Variants in EPG5 observed in about 807,000 individuals in gnomAD.
EPG5 encodes ectopic P-granules 5 autophagy tethering factor.
A neutral mutation model predicts 302.7 loss-of-function variants in EPG5; 159 were observed. That is an observed-to-expected ratio of 0.53 (90% confidence interval 0.46 to 0.60). EPG5 has a LOEUF of 0.60. Among genes scored for constraint, EPG5 ranks in the 20% least tolerant of loss-of-function variants. EPG5 has a pLI of 0.00. For missense variants in EPG5, 2,896 were observed against 3,092.4 expected, an observed-to-expected ratio of 0.94 and a Z score of 1.51; for synonymous variants, 1,158 against 1,136.8, an observed-to-expected ratio of 1.02 and a Z score of -0.37.
At position 45,904,134 on chromosome 18, in the gene EPG5, G is replaced by C; in HGVS notation, c.4330-17C>G. The C allele has an allele frequency of 6.2e-7, 1 of 1,604,392 alleles. No homozygotes were observed. The highest frequency in any genetic ancestry group is 8.5e-7 in the Non-Finnish European group (1 of 1,177,482). ...CCACAGATCCTGAAACAGAACGACA[G>C]TACTTTAACTCTGACAGACAAGTCA... On this transcript the variant is annotated splice_polypyrimidine_tract_variant and intron_variant, in intron 24 of 43. Transcript: ENST00000282041.
Position 45,880,177 on chromosome 18 carries a change from CAGA to C in EPG5, c.5562_5564del (p.Leu1855del). 6.2e-7 allele frequency: 1 copy of C among 1,610,922 alleles called. No homozygotes were observed. The highest frequency in any genetic ancestry group is 8.5e-7 in the Non-Finnish European group (1 of 1,178,248). ...TGGGGGCGCAGCAGCCCAGGGCTCT[CAGA>C]GTGGCCTTCCAACACTCGGGGCTCA... On this transcript the variant is annotated inframe_deletion, in exon 32 of 44. Coordinates refer to ENST00000282041, the MANE Select transcript of EPG5 (RefSeq NM_020964.3).
downstream of EPG5, chr18:45,844,196 C>CA (rs1224465350): frequency 9.9e-5 from 15 of 152,080 alleles, no homozygotes; most frequent in Admixed American, 6.5e-4. Context: ...TTCGCACTCA[C>CA]ATGTGGAAGC....
In EPG5 at chr18:45,929,101, G is replaced by T. The variant is rs1184083274; in HGVS notation, c.2413-92C>A. On this transcript the variant is annotated intron_variant, in intron 12 of 43. Coordinates refer to ENST00000282041, the MANE Select transcript of EPG5 (RefSeq NM_020964.3). ...ATCATTTTTTCAAGCAAAGCAGAAA[G>T]AATCTTACATTGAGCCTTAATTGAC... is the stretch of plus-strand genomic sequence containing the variant. The T allele has an allele frequency of 6.1e-6, 8 of 1,304,914 alleles. No individual in the cohort carries two copies. The East Asian group carries it at 1.7e-4, about 28-fold the overall frequency. The allele number at this position is 1,304,914 out of a possible 1,614,324, so 80.8% of individuals were successfully genotyped here.
Position 45,870,707 on chromosome 18 carries a change from A to T in EPG5, c.6085T>A (p.Leu2029Met), listed in dbSNP as rs1469719757. The change falls in exon 36 of 44, where the codon TTG becomes ATG. Residue 2029 changes from leucine to methionine, a missense_variant. This residue lies in a region of EPG5 where 620 missense variants were observed against 704.2 expected (regional missense o/e 0.88). Transcript: ENST00000282041. ...LLPGDAGALW[L>M]HLMHYCEACT... ...GCTTCACAATAATGCATCAGGTGCA[A>T]CCAAAGGGCTCCTGCATCACCTGGC... 1 of 1,612,056 alleles carries T rather than the reference A, an allele frequency of 6.2e-7. No homozygotes were observed. The highest frequency in any genetic ancestry group is 1.7e-4 in the Middle Eastern group (1 of 6,056).
intron 27 of EPG5, 113 bp from the exon 28 acceptor site, chr18:45,890,053 C>A: frequency 1.3e-6 from 1 of 761,624 alleles, no homozygotes; most frequent in South Asian, 2.2e-5. Flanking sequence ...ATTTGTATCT[C>A]TTTATATGAC....
chr18:45,866,732 G>T, intron 38 of EPG5, 66 bp downstream of exon 38: 1 of 1,270,266 alleles, frequency 7.9e-7, no homozygotes, highest in Non-Finnish European at 1.1e-6. Context: ...ACTGTCCTTT[G>T]TAGCACTTAT....
intron 24 of EPG5, among the ~76,000 whole-genome samples, chr18:45,905,767 T>C (rs1186388089): frequency 6.6e-6 from 1 of 152,210 alleles, no homozygotes; most frequent in Non-Finnish European, 1.5e-5. Context: ...ATTAATTCTG[T>C]TGATGCTGAG....
At chr18:45,944,552 C>T (rs918240029) in intron 7 of EPG5, among the ~76,000 whole-genome samples, 1 of 152,108 alleles carries the variant, frequency 6.6e-6, no homozygotes, top group Non-Finnish European at 1.5e-5. Context: ...GTCAGGAGTC[C>T]AAGAGCAGCC....
the EPG5 span, among the ~76,000 whole-genome samples, chr18:45,819,835 C>A: frequency 1.4e-4 from 21 of 152,058 alleles, no homozygotes; most frequent in African/African-American, 4.1e-4. Context: ...CAGGTGGGAT[C>A]CAAAATAAAA....
chr18:45,859,072 C>A (rs527762850), intron 40 of EPG5, among the ~76,000 whole-genome samples: 8 of 152,306 alleles, frequency 5.3e-5, no homozygotes, highest in African/African-American at 1.4e-4. Flanking sequence ...GTATAAATCA[C>A]CTTTCTATCA....
Position 45,865,606 on chromosome 18 carries a change from G to T in EPG5, c.6766+9C>A, listed in dbSNP as rs374517571. On this transcript the variant is annotated intron_variant, in intron 39 of 43. Transcript: ENST00000282041. The stretch of plus-strand genomic sequence containing the variant: ...TGAATGAATACAGGACTTCCGACTG[G>T]TCACTTACCGGGCGGGTTAAAGACA... The T allele has an allele frequency of 1.1e-5, 17 of 1,613,662 alleles. No individual in the cohort carries two copies. The African/African-American group carries it at 2.1e-4, about 20-fold the overall frequency.
At position 45,925,915 on chromosome 18, in the gene EPG5, A is replaced by G; in HGVS notation, c.2554-13T>C. 7.4e-7 allele frequency: 1 copy of G among 1,347,334 alleles called. No homozygotes were observed. Among genetic ancestry groups the G allele is most frequent in the Admixed American group, 2.9e-5 (1 of 34,810 alleles). The allele number at this position is 1,347,334 out of a possible 1,614,324, so 83.5% of individuals were successfully genotyped here. A position where few individuals can be genotyped will look rare whatever the true frequency, so the allele number is the denominator to read the frequency against. On this transcript the variant is annotated splice_polypyrimidine_tract_variant and intron_variant, in intron 13 of 43. Coordinates refer to ENST00000282041, the MANE Select transcript of EPG5 (RefSeq NM_020964.3). ...AGTATAGAGAAACCTTATTAAAAAG[A>G]AAACAATAATCATTAAATAAAGACT...
chr18:45,888,255 G>A (rs1048650578), intron 28 of EPG5, among the ~76,000 whole-genome samples: 3 of 151,346 alleles, frequency 2.0e-5, no homozygotes, highest in Middle Eastern at 3.4e-3. Flanking sequence ...ACAGGCACAC[G>A]CTACCACACC....
Position 45,851,601 on chromosome 18 carries a change from C to T in EPG5, c.*866G>A, listed in dbSNP as rs771151209. 3 of 152,180 alleles carry T rather than the reference C, an allele frequency of 2.0e-5. No homozygotes were observed. The highest frequency in any genetic ancestry group is 4.8e-5 in the African/African-American group (2 of 41,430). 9.4% of individuals were successfully genotyped at this position (152,180 alleles called of 1,614,324 possible). On this transcript the variant is annotated 3_prime_UTR_variant, in exon 44 of 44. Coordinates refer to ENST00000282041, the MANE Select transcript of EPG5 (RefSeq NM_020964.3). The stretch of plus-strand genomic sequence containing the variant: ...TCCTGACACTGAGCCTTTCAGATAT[C>T]GAACATGGTGTCTATCAAAGGGTGC...
rs146238741 is a variant in EPG5 at position 45,848,177 on chromosome 18, A to G, written c.*4290T>C. On this transcript the variant is annotated 3_prime_UTR_variant, in exon 44 of 44. Transcript: ENST00000282041. ...CCAGACACAAATGGAAGATGGTAGAAGGGGATACTTTCTTTTAATCAACAC... is the reference window on the plus strand; with the variant it reads ...CCAGACACAAATGGAAGATGGTAGAGGGGGATACTTTCTTTTAATCAACAC... The G allele has an allele frequency of 1.1e-4, 16 of 152,328 alleles. No homozygotes were observed. The highest frequency in any genetic ancestry group is 3.8e-4 in the African/African-American group (16 of 41,576). The allele number at this position is 152,328 out of a possible 1,614,324, so 9.4% of individuals were successfully genotyped here.
Position 45,866,542 on chromosome 18 carries a change from GA to G in EPG5, c.6621+255del, listed in dbSNP as rs11329957. The stretch of plus-strand genomic sequence containing the variant: ...CTGCTGCCAATGACATTCAGATCAT[GA>G]AACCAGCAGCTTGCTGGCAGCCCTC... On this transcript the variant is annotated intron_variant, in intron 38 of 43. Coordinates refer to ENST00000282041, the MANE Select transcript of EPG5 (RefSeq NM_020964.3). Among the ~76,000 whole-genome samples, 757 of 152,290 alleles carry G rather than the reference GA, an allele frequency of 5.0e-3. 3 individuals are homozygous for G. Among genetic ancestry groups the G allele is most frequent in the African/African-American group, 0.018 (732 of 41,556 alleles).
At chr18:45,867,394 A>G (rs532256720) in intron 37 of EPG5, among the ~76,000 whole-genome samples, 169 bp downstream of exon 37, 27 of 152,226 alleles carry the variant, frequency 1.8e-4, no homozygotes, top group Non-Finnish European at 3.4e-4. Flanking sequence ...GAATCAGATA[A>G]TGAGCTATCC....
chr18:45,960,031 T>TC (rs1417617732), intron 1 of EPG5, among the ~76,000 whole-genome samples: 6 of 152,092 alleles, frequency 3.9e-5, no homozygotes, highest in Non-Finnish European at 8.8e-5. Flanking sequence ...ACACGTGTAA[T>TC]CCCAGCACTT....
At chr18:45,961,824 C>T (rs919220741) in intron 1 of EPG5, among the ~76,000 whole-genome samples, 1 of 150,250 alleles carries the variant, frequency 6.7e-6, no homozygotes, top group Non-Finnish European at 1.5e-5. Context: ...CGCCACTGCA[C>T]TCCAGCCTGG....
Sources: allele counts gnomAD v4.1 joint callset (sites outside exome capture counted in the v4.1 genomes callset), GRCh38; gene constraint gnomAD v4.1.1; regional missense constraint gnomAD v4.1.1; transcripts MANE v1.5; gene names NCBI Gene and HGNC (gene_info 2026-07-23, HGNC 2026-07-21).